The following NCKAP5 variants were observed in gnomAD, a reference collection of about 807,000 sequenced individuals.
NCKAP5 encodes the protein nck-associated protein 5.
Under a neutral mutation model 167.0 loss-of-function variants are expected in NCKAP5, and 92 were observed. The ratio of observed to expected loss-of-function variants is 0.55; its 90% CI spans 0.47 to 0.66. The LOEUF is 0.66. NCKAP5 is among the 30% of genes least tolerant of loss of function. The pLI is 0.00. For synonymous variants in NCKAP5, 891 were observed against 877.4 expected, an observed-to-expected ratio of 1.02 and a Z score of -0.27; for missense variants, 2,378 against 2,315.0, an observed-to-expected ratio of 1.03 and a Z score of -0.56.
chr2:132,713,713 C>G (rs35970959), intron 19 of NCKAP5, among the ~76,000 whole-genome samples: 1,434 of 25,406 alleles, frequency 0.056, 27 homozygotes, highest in African/African-American at 0.12. Context: ...AAGGGCCAAA[C>G]AAAAAAAAAA....
At chr2:133,055,286 AC>A (rs931122082) in intron 6 of NCKAP5, among the ~76,000 whole-genome samples, 3 of 152,102 alleles carry the variant, frequency 2.0e-5, no homozygotes, top group Non-Finnish European at 2.9e-5. Flanking sequence ...CAAAAGTGAT[AC>A]ACCGAGCCAA....
chr2:133,356,409 CTA>C (rs766882965), intron 3 of NCKAP5, among the ~76,000 whole-genome samples: 18 of 152,144 alleles, frequency 1.2e-4, no homozygotes, highest in Non-Finnish European at 2.5e-4. Flanking sequence ...AAGGGAGAAA[CTA>C]TATAAAGCAT....
chr2:133,664,354 T>C, the NCKAP5 span, among the ~76,000 whole-genome samples: 1 of 152,200 alleles, frequency 6.6e-6, no homozygotes, highest in African/African-American at 2.4e-5. Context: ...TTAAAGTGAC[T>C]AGCTGCATTA....
At chr2:132,904,848 A>G (rs2148925827) in intron 8 of NCKAP5, among the ~76,000 whole-genome samples, 1 of 152,244 alleles carries the variant, frequency 6.6e-6, no homozygotes, top group South Asian at 2.1e-4. Flanking sequence ...TCCTGTTATG[A>G]GTTTATACTA....
At chr2:133,466,104 T>C (rs1331854399) in intron 3 of NCKAP5, among the ~76,000 whole-genome samples, 1 of 147,626 alleles carries the variant, frequency 6.8e-6, no homozygotes, top group Non-Finnish European at 1.5e-5. Flanking sequence ...TCCTGAATGG[T>C]AATGCCTAGG....
the NCKAP5 span, among the ~76,000 whole-genome samples, chr2:133,636,571 T>C: frequency 6.6e-6 from 1 of 152,244 alleles, no homozygotes; most frequent in East Asian, 1.9e-4. Context: ...GGAGCATTTC[T>C]GCTTCCAACA....
intron 19 of NCKAP5, among the ~76,000 whole-genome samples, chr2:132,694,851 T>C (rs1057099718): frequency 1.3e-5 from 2 of 152,188 alleles, no homozygotes; most frequent in Non-Finnish European, 2.9e-5. Flanking sequence ...CCGAGCTTAG[T>C]CGCCACCCTC....
In NCKAP5 at chr2:133,065,610, C is replaced by T. The variant is rs569819362; in HGVS notation, c.341+64368G>A. Among the ~76,000 whole-genome samples, 6 of 152,222 alleles carry T rather than the reference C, an allele frequency of 3.9e-5. No homozygotes were observed. The South Asian group carries it at 6.2e-4, about 16-fold the overall frequency. Reference sequence around the variant, plus strand: ...ACTGCACTCCAGCCTGGCGACAGAGCGAGACTCTATCTTAAAAATTTTTTT... The same window carrying T: ...ACTGCACTCCAGCCTGGCGACAGAGTGAGACTCTATCTTAAAAATTTTTTT... On this transcript the variant is annotated intron_variant, in intron 6 of 19. Transcript: ENST00000409261.
chr2:133,152,914 T>C (rs2083434288), intron 5 of NCKAP5, among the ~76,000 whole-genome samples: 1 of 152,198 alleles, frequency 6.6e-6, no homozygotes, highest in Admixed American at 6.5e-5. Context: ...CATGAGGCCA[T>C]ACCATATAGC....
chr2:133,630,076 A>C, the NCKAP5 span, among the ~76,000 whole-genome samples: 1 of 152,142 alleles, frequency 6.6e-6, no homozygotes, highest in African/African-American at 2.4e-5. Context: ...GCAGCAAACC[A>C]CCATGGCACA....
chr2:132,798,532 A>C (rs900213578), intron 11 of NCKAP5, among the ~76,000 whole-genome samples: 1 of 152,202 alleles, frequency 6.6e-6, no homozygotes, highest in Admixed American at 6.5e-5. Flanking sequence ...AGAGGCCTCA[A>C]TGGATTAGCT....
intron 7 of NCKAP5, among the ~76,000 whole-genome samples, chr2:132,969,433 C>T (rs1371012908): frequency 2.6e-5 from 4 of 151,874 alleles, no homozygotes; most frequent in South Asian, 2.1e-4. Context: ...GAATTGAGTA[C>T]AAGCAGCTCA....
chr2:133,140,091 A>G (rs2149834099), intron 5 of NCKAP5, among the ~76,000 whole-genome samples: 1 of 152,268 alleles, frequency 6.6e-6, no homozygotes, highest in African/African-American at 2.4e-5. Flanking sequence ...CTGGTCACAG[A>G]TCTTTCTTTG....
chr2:133,531,069 C>T (rs1816384), intron 2 of NCKAP5, among the ~76,000 whole-genome samples: 87,720 of 151,582 alleles, frequency 0.58, 27,001 homozygotes, highest in East Asian at 0.94. Context: ...TGGGCAGCAA[C>T]AGATAATTAA....
rs776527280 is a variant in NCKAP5 at position 132,878,916 on chromosome 2, C to A, written c.580G>T (p.Ala194Ser). 2 of 1,611,618 alleles carry A rather than the reference C, an allele frequency of 1.2e-6. No homozygotes were observed. The highest frequency in any genetic ancestry group is 2.2e-5 in the East Asian group (1 of 44,882). The stretch of plus-strand genomic sequence containing the variant: ...TCCAAAGCCAACGCTGAATTCTCTG[C>A]CTGCAGTAAGATACAAAAATAACAC... ...LLLERLKALEAENSALALENE... is the reference protein window; with the variant it reads ...LLLERLKALESENSALALENE... Residue 194 changes from alanine (A) to serine (S), a missense_variant and splice_region_variant, in exon 9 of 20, where the codon GCA becomes TCA. Coordinates refer to ENST00000409261, the MANE Select transcript of NCKAP5 (RefSeq NM_207363.3).
chr2:133,460,326 TA>T (rs1260313963), intron 3 of NCKAP5, among the ~76,000 whole-genome samples: 1 of 152,216 alleles, frequency 6.6e-6, no homozygotes, highest in African/African-American at 2.4e-5. Context: ...TGCTTAGAGC[TA>T]CCTGATTTTA....
intron 3 of NCKAP5, among the ~76,000 whole-genome samples, chr2:133,412,201 T>C (rs1256928228): frequency 6.6e-6 from 1 of 152,182 alleles, no homozygotes; most frequent in Non-Finnish European, 1.5e-5. Context: ...ATGGGTTTAG[T>C]GTCCTTATAG....
At position 132,804,709 on chromosome 2, in the gene NCKAP5, C is replaced by T. The variant is rs368652573; in HGVS notation, c.808-7980G>A. On this transcript the variant is annotated intron_variant, in intron 11 of 19. Transcript: ENST00000409261. ...GAAGAGACACTCTGTGAAGTCCTTT[C>T]CCTAATCTTATCTCATGAATCTTCA... Among the ~76,000 whole-genome samples the T allele has an allele frequency of 9.2e-5, 14 of 152,234 alleles. No individual in the cohort carries two copies. The East Asian group carries it at 2.3e-3, about 25-fold the overall frequency.
intron 7 of NCKAP5, among the ~76,000 whole-genome samples, chr2:132,971,013 G>A (rs748333696): frequency 6.6e-6 from 1 of 152,212 alleles, no homozygotes; most frequent in African/African-American, 2.4e-5. Context: ...CATTAATCAA[G>A]CTATTCAATT....
Sources: allele counts gnomAD v4.1 joint callset (sites outside exome capture counted in the v4.1 genomes callset), GRCh38; gene constraint gnomAD v4.1.1; transcripts MANE v1.5; gene names NCBI Gene and HGNC (gene_info 2026-07-23, HGNC 2026-07-21).